The following SAMD12 variants were observed in gnomAD, a reference collection of about 807,000 sequenced individuals.
SAMD12 encodes sterile alpha motif domain-containing protein 12.
A neutral mutation model predicts 15.0 loss-of-function variants in SAMD12; 9 were observed. That is an observed-to-expected ratio of 0.60 (90% CI 0.36 to 1.05). The LOEUF is 1.05. Among genes scored for constraint, SAMD12 ranks in the 50% least tolerant of loss-of-function variants. The pLI, the probability that SAMD12 is intolerant of heterozygous loss-of-function variation, is 0.01. For missense variants in SAMD12, 230 were observed against 234.2 expected, an observed-to-expected ratio of 0.98 and a Z score of 0.12; for synonymous variants, 86 against 90.1, an observed-to-expected ratio of 0.96 and a Z score of 0.25.
intron 2 of SAMD12, among the ~76,000 whole-genome samples, chr8:118,483,095 G>C (rs927943890): frequency 6.6e-6 from 1 of 152,202 alleles, no homozygotes; most frequent in Non-Finnish European, 1.5e-5. Flanking sequence ...TGCAGAATAT[G>C]ATGAGCCTCA....
At chr8:118,435,465 A>T (rs1396942768) in intron 3 of SAMD12, among the ~76,000 whole-genome samples, 2 of 152,202 alleles carry the variant, frequency 1.3e-5, no homozygotes, top group East Asian at 1.9e-4. Context: ...TCCCTTGCAG[A>T]TGAGGGGGGA....
intron 2 of SAMD12, among the ~76,000 whole-genome samples, chr8:118,510,954 C>T (rs1220325933): frequency 6.6e-6 from 1 of 152,112 alleles, no homozygotes; most frequent in Non-Finnish European, 1.5e-5. Context: ...TCAGGAAATT[C>T]AAGTTAAAAG....
At chr8:118,475,936 A>G (rs1216744193) in intron 2 of SAMD12, among the ~76,000 whole-genome samples, 3 of 152,220 alleles carry the variant, frequency 2.0e-5, no homozygotes, top group Non-Finnish European at 4.4e-5. Context: ...CTGTATCTGC[A>G]AGAAGATAGG....
At chr8:118,303,912 T>G (rs1443744459) in intron 4 of SAMD12, among the ~76,000 whole-genome samples, 1 of 152,222 alleles carries the variant, frequency 6.6e-6, no homozygotes, top group African/African-American at 2.4e-5. Flanking sequence ...TCTGCATTGT[T>G]GGCTATAAAA....
chr8:118,562,018 C>A (rs1380355665), intron 2 of SAMD12, among the ~76,000 whole-genome samples: 2 of 152,092 alleles, frequency 1.3e-5, no homozygotes, highest in African/African-American at 4.8e-5. Context: ...TAATGTTAAT[C>A]AAATAATTTA....
intron 2 of SAMD12, among the ~76,000 whole-genome samples, chr8:118,512,741 G>T (rs1825121961): frequency 6.6e-6 from 1 of 152,096 alleles, no homozygotes; most frequent in Non-Finnish European, 1.5e-5. Context: ...TTGCCCTTTT[G>T]TGCCTCTTTG....
At chr8:118,549,463 T>C (rs1391501914) in intron 2 of SAMD12, among the ~76,000 whole-genome samples, 2 of 152,182 alleles carry the variant, frequency 1.3e-5, no homozygotes, top group African/African-American at 2.4e-5. Context: ...GACCTGCAGC[T>C]GAGGGTCCTG....
chr8:118,389,015 C>T (rs1198918860), intron 3 of SAMD12, among the ~76,000 whole-genome samples: 3 of 152,150 alleles, frequency 2.0e-5, no homozygotes, highest in Non-Finnish European at 4.4e-5. Context: ...CAGGGATAAG[C>T]TAGTTGAGCT....
rs888537935 is a variant in SAMD12, at chr8:118,443,408, A to C, written c.193-3447T>G. Among the ~76,000 whole-genome samples, 3 of 152,288 alleles carry C rather than the reference A, an allele frequency of 2.0e-5. No homozygotes were observed. In the East Asian group the frequency reaches 5.8e-4, roughly 29 times the overall value. ...GGGAGGTGGAGATTGCCTTGAGCAGAGATCGTGCCATTGTACACCAGCCTG... is the reference window on the plus strand; with the variant it reads ...GGGAGGTGGAGATTGCCTTGAGCAGCGATCGTGCCATTGTACACCAGCCTG... On this transcript the variant is annotated intron_variant, in intron 2 of 3. Coordinates refer to ENST00000314727, the MANE Select transcript of SAMD12 (RefSeq NM_207506.3).
chr8:118,229,310 TATAA>T (rs914683715), intron 4 of SAMD12, among the ~76,000 whole-genome samples: 10 of 151,536 alleles, frequency 6.6e-5, no homozygotes, highest in Middle Eastern at 3.2e-3. Flanking sequence ...TTTAAAAATA[TATAA>T]ATAAATAAAA....
chr8:118,311,186 G>C (rs75796381), intron 4 of SAMD12, among the ~76,000 whole-genome samples: 1 of 152,256 alleles, frequency 6.6e-6, no homozygotes, highest in East Asian at 1.9e-4. Context: ...TGCAGCCTTC[G>C]AAATCCTTGC....
intron 3 of SAMD12, among the ~76,000 whole-genome samples, chr8:118,391,107 A>G (rs1394561088): frequency 6.6e-6 from 1 of 152,174 alleles, no homozygotes; most frequent in South Asian, 2.1e-4. Context: ...TTGTTAGTAC[A>G]TGTGATTACC....
chr8:118,385,165 A>T (rs1207796189), intron 3 of SAMD12, among the ~76,000 whole-genome samples: 1 of 152,184 alleles, frequency 6.6e-6, no homozygotes, highest in African/African-American at 2.4e-5. Flanking sequence ...TGACTTGGTT[A>T]TGAGGTGCCC....
intron 2 of SAMD12, among the ~76,000 whole-genome samples, chr8:118,451,922 T>A (rs758103083): frequency 1.7e-4 from 26 of 152,150 alleles, no homozygotes; most frequent in African/African-American, 6.0e-4. Context: ...GGACTGAATA[T>A]CTCTGTCTCC....
At chr8:118,133,494 C>G in the SAMD12 span, among the ~76,000 whole-genome samples, 4 of 152,238 alleles carry the variant, frequency 2.6e-5, no homozygotes, top group Admixed American at 1.3e-4. Context: ...TGATGCTCTT[C>G]CCACATCCCC....
intron 2 of SAMD12, among the ~76,000 whole-genome samples, chr8:118,501,654 T>C (rs1586767941): frequency 1.3e-5 from 2 of 152,196 alleles, no homozygotes; most frequent in South Asian, 2.1e-4. Context: ...CAGAGACTTC[T>C]ATTGTTTACT....
chr8:118,323,247 G>A (rs1356357106), intron 4 of SAMD12, among the ~76,000 whole-genome samples: 1 of 152,178 alleles, frequency 6.6e-6, no homozygotes, highest in African/African-American at 2.4e-5. Flanking sequence ...AGCAGCTAGT[G>A]TTTGTTTAAC....
In SAMD12 at chr8:118,269,255, TG is replaced by T. The variant is rs1563723638; in HGVS notation, c.434-71524del. On this transcript the variant is annotated intron_variant, in intron 4 of 4. Coordinates refer to the SAMD12 transcript ENST00000409003. Reference sequence around the variant, plus strand: ...GTGTGTGTGTGTGTGTGTGTGTGTGTGTGTGTAAGCAGGAAACAAATGTAGA... The same window carrying T: ...GTGTGTGTGTGTGTGTGTGTGTGTGTTGTGTAAGCAGGAAACAAATGTAGA... 7.0e-3 allele frequency among the ~76,000 whole-genome samples: 996 copies of T among 141,768 alleles called. 19 individuals are homozygous for T. The highest frequency in any genetic ancestry group is 0.025 in the African/African-American group (950 of 37,586). 93.0% of individuals were successfully genotyped at this position (141,768 alleles called of 152,430 possible). A position where few individuals can be genotyped will look rare whatever the true frequency, so the allele number is the denominator to read the frequency against.
intron 2 of SAMD12, among the ~76,000 whole-genome samples, chr8:118,513,504 A>G (rs1825144395): frequency 6.6e-6 from 1 of 152,244 alleles, no homozygotes; most frequent in South Asian, 2.1e-4. Context: ...TCAACAAACC[A>G]TAAAATATGT....
Sources: allele counts gnomAD v4.1 joint callset (sites outside exome capture counted in the v4.1 genomes callset), GRCh38; gene constraint gnomAD v4.1.1; transcripts MANE v1.5; gene names NCBI Gene and HGNC (gene_info 2026-07-23, HGNC 2026-07-21).